C2orf66: variants seen among roughly 807,000 people sequenced by gnomAD.
C2orf66 encodes the protein uncharacterized protein C2orf66.
A neutral mutation model predicts 7.0 loss-of-function variants in C2orf66; 6 were observed. The ratio of observed to expected loss-of-function variants is 0.86; its 90% CI spans 0.47 to 1.69. The LOEUF (loss-of-function observed/expected upper bound fraction) is 1.69. Among genes scored for constraint, C2orf66 ranks in the 40% most tolerant of loss-of-function variants. The pLI is 0.01. For synonymous variants in C2orf66, 38 were observed against 43.8 expected (o/e 0.87, Z 0.52); for missense variants, 107 against 112.0 (o/e 0.96, Z 0.20).
chr2:196,808,732 T>G (rs1483323012), intron 1 of C2orf66, among the ~76,000 whole-genome samples: 3 of 152,236 alleles, frequency 2.0e-5, no homozygotes, highest in Admixed American at 6.5e-5. Flanking sequence ...TTCTATTTTA[T>G]AGATAACTAT....
At chr2:196,814,950 T>TA in the C2orf66 span, among the ~76,000 whole-genome samples, 3 of 152,222 alleles carry the variant, frequency 2.0e-5, no homozygotes, top group Admixed American at 2.0e-4. Context: ...ATGTTTAAGT[T>TA]AAAAAAATTA....
At chr2:196,831,055 A>G in the C2orf66 span, among the ~76,000 whole-genome samples, 24 of 152,150 alleles carry the variant, frequency 1.6e-4, no homozygotes, top group Non-Finnish European at 3.1e-4. Context: ...GGGCCAGATA[A>G]AACAGCAATA....
the C2orf66 span, among the ~76,000 whole-genome samples, chr2:196,823,088 G>C: frequency 2.6e-5 from 4 of 151,990 alleles, no homozygotes; most frequent in African/African-American, 9.7e-5. Context: ...AGCAAAGAGG[G>C]GAGACCATTT....
chr2:196,818,230 G>A, the C2orf66 span, among the ~76,000 whole-genome samples: 1 of 152,280 alleles, frequency 6.6e-6, no homozygotes, highest in Non-Finnish European at 1.5e-5. Context: ...GAGGCCCCGT[G>A]CCAACTAGGT....
the C2orf66 span, among the ~76,000 whole-genome samples, chr2:196,822,313 G>A: frequency 1.3e-5 from 2 of 152,124 alleles, no homozygotes; most frequent in Non-Finnish European, 2.9e-5. Flanking sequence ...CCAGCATGCT[G>A]AGAGCACTGT....
At chr2:196,829,994 T>C in the C2orf66 span, among the ~76,000 whole-genome samples, 4 of 152,196 alleles carry the variant, frequency 2.6e-5, no homozygotes, top group South Asian at 6.2e-4. Context: ...AACGTTCATA[T>C]ATTTAGGGAT....
the C2orf66 span, among the ~76,000 whole-genome samples, chr2:196,820,031 G>A: frequency 6.6e-6 from 1 of 152,170 alleles, no homozygotes; most frequent in East Asian, 1.9e-4. Context: ...GAATTGTTCT[G>A]GATTTGAGGG....
chr2:196,824,702 T>C, the C2orf66 span, among the ~76,000 whole-genome samples: 1 of 152,194 alleles, frequency 6.6e-6, no homozygotes, highest in East Asian at 1.9e-4. Flanking sequence ...GGAAACTTCA[T>C]TTTTGCTTTC....
the C2orf66 span, among the ~76,000 whole-genome samples, chr2:196,821,927 G>GGTTTT: frequency 1.8e-5 from 1 of 57,102 alleles, no homozygotes; most frequent in African/African-American, 5.7e-5. Flanking sequence ...GAACCAGTGA[G>GGTTTT]CTTTTTTTTT....
In C2orf66 at chr2:196,809,330, T is replaced by C. The variant is rs1699849163; in HGVS notation, c.7A>G (p.Arg3Gly). 6.2e-7 allele frequency: 1 copy of C among 1,613,966 alleles called. No individual in the cohort carries two copies. The highest frequency in any genetic ancestry group is 8.5e-7 in the Non-Finnish European group (1 of 1,179,906). Residue 3 changes from arginine (R) to glycine (G), a missense_variant, in exon 1 of 3, where the codon AGA becomes GGA. Coordinates refer to ENST00000342506, the MANE Select transcript of C2orf66 (RefSeq NM_213608.3). ...ACACATAGTAGCAGGAGAGGTGCTC[T>C]GGTCATGGTGGAGTGAAGCTGAGTG... MT[R>G]APLLLLCVAL...
rs1699831914 is a variant in C2orf66, at chr2:196,807,605, C to G, written c.141G>C (p.Gln47His). ...RNRDLFFRRLQAYFKGRGLDL... is the reference protein window; with the variant it reads ...RNRDLFFRRLHAYFKGRGLDL... ...CAAGACCTCTGCCCTTAAAATATGC[C>G]TGAAGCCTTCTGAAAAACTAAAGAG... The change falls in exon 2 of 3, where the codon CAG (glutamine) becomes CAC (histidine). Residue 47 changes from glutamine (Q) to histidine (H), a missense_variant. Transcript: ENST00000342506. 6.2e-7 allele frequency: 1 copy of G among 1,607,542 alleles called. No individual in the cohort carries two copies. Among genetic ancestry groups the G allele is most frequent in the Non-Finnish European group, 8.5e-7 (1 of 1,178,540 alleles).
chr2:196,807,636 GAAAATGGTC>G lies in C2orf66; in HGVS notation c.124-23_124-15del. ...CCTTCTGAAAAACTAAAGAGAGAAA[GAAAATGGTC>G]AATGCCAGATATAAATGAAACACCA... is the stretch of plus-strand genomic sequence containing the variant. On this transcript the variant is annotated splice_polypyrimidine_tract_variant and intron_variant, in intron 1 of 2. Transcript: ENST00000342506. 1 of 1,595,978 alleles carries G rather than the reference GAAAATGGTC, an allele frequency of 6.3e-7. No individual in the cohort carries two copies. Among genetic ancestry groups the G allele is most frequent in the Non-Finnish European group, 8.5e-7 (1 of 1,173,112 alleles).
At chr2:196,812,090 A>C (rs975319257), upstream of C2orf66, among the ~76,000 whole-genome samples, 1 of 152,180 alleles carries the variant, frequency 6.6e-6, no homozygotes, top group Non-Finnish European at 1.5e-5. Context: ...TAGTTACTAG[A>C]GTTAAAAGTA....
chr2:196,830,856 T>C, the C2orf66 span, among the ~76,000 whole-genome samples: 1 of 152,120 alleles, frequency 6.6e-6, no homozygotes, highest in Non-Finnish European at 1.5e-5. Context: ...GGGGTGAGCA[T>C]GATAGGGGGT....
At chr2:196,823,916 G>C in the C2orf66 span, among the ~76,000 whole-genome samples, 2 of 152,128 alleles carry the variant, frequency 1.3e-5, no homozygotes, top group African/African-American at 4.8e-5. Flanking sequence ...GAGATACTTA[G>C]ATATGGAATT....
intron 2 of C2orf66, among the ~76,000 whole-genome samples, chr2:196,807,133 G>A (rs1254043420): frequency 6.6e-6 from 1 of 152,170 alleles, no homozygotes; most frequent in Non-Finnish European, 1.5e-5. Flanking sequence ...AGGTAAGAGT[G>A]TGGCCATGTT....
At chr2:196,825,731 T>C in the C2orf66 span, among the ~76,000 whole-genome samples, 1 of 152,306 alleles carries the variant, frequency 6.6e-6, no homozygotes, top group East Asian at 1.9e-4. Context: ...TAATTCACTT[T>C]CATGTTTTTA....
At chr2:196,821,365 G>C in the C2orf66 span, among the ~76,000 whole-genome samples, 1 of 152,152 alleles carries the variant, frequency 6.6e-6, no homozygotes, top group Non-Finnish European at 1.5e-5. Flanking sequence ...GACTACAGGG[G>C]ATGTTGAGAC....
upstream of C2orf66, among the ~76,000 whole-genome samples, chr2:196,812,036 A>T (rs1699881469): frequency 6.6e-6 from 1 of 152,200 alleles, no homozygotes; most frequent in Non-Finnish European, 1.5e-5. Context: ...AAAATGAGTG[A>T]GTATAGCAAG....
Sources: allele counts gnomAD v4.1 joint callset (sites outside exome capture counted in the v4.1 genomes callset), GRCh38; gene constraint gnomAD v4.1.1; transcripts MANE v1.5; gene names NCBI Gene and HGNC (gene_info 2026-07-23, HGNC 2026-07-21).